TMEM131L: variants seen among roughly 807,000 people sequenced by gnomAD.
TMEM131L encodes the protein transmembrane 131 like.
In TMEM131L, 54 loss-of-function variants were observed where a neutral mutation model predicts 192.2. That is an observed-to-expected ratio of 0.28 (90% confidence interval 0.23 to 0.35). The LOEUF (loss-of-function observed/expected upper bound fraction) is 0.35. Among genes scored for constraint, TMEM131L ranks in the 10% least tolerant of loss-of-function variants. TMEM131L has a pLI of 1.00. For missense variants in TMEM131L, 1,888 were observed against 1,972.9 expected, an observed-to-expected ratio of 0.96 and a Z score of 0.82; for synonymous variants, 701 against 704.9, an observed-to-expected ratio of 0.99 and a Z score of 0.09.
At position 153,586,331 on chromosome 4, in the gene TMEM131L, A is replaced by G. The variant is rs1248033575; in HGVS notation, c.1434A>G (p.Ile478Met). The change falls in exon 14 of 35, where the codon ATA becomes ATG. Residue 478 changes from isoleucine to methionine, a missense_variant. Transcript: ENST00000409959. ...LFTNVFLTTN[I>M]GAIFAIPLQI... The stretch of plus-strand genomic sequence containing the variant: ...CCAATGTATTTTTGACTACAAACAT[A>G]GGTGCCATTTTTGCAATACCTCTAC... 15 of 1,605,060 alleles carry G rather than the reference A, an allele frequency of 9.3e-6. No individual in the cohort carries two copies. Among genetic ancestry groups the G allele is most frequent in the African/African-American group, 1.3e-5 (1 of 74,530 alleles).
intron 3 of TMEM131L, among the ~76,000 whole-genome samples, chr4:153,474,622 C>A (rs1032093455): frequency 2.6e-5 from 4 of 152,184 alleles, no homozygotes; most frequent in African/African-American, 7.2e-5. Flanking sequence ...GTGGTATGAT[C>A]CTGGTTCACT....
At chr4:153,498,185 G>A (rs911123551) in intron 3 of TMEM131L, among the ~76,000 whole-genome samples, 1 of 152,212 alleles carries the variant, frequency 6.6e-6, no homozygotes, top group African/African-American at 2.4e-5. Flanking sequence ...AATGATGCTT[G>A]GTAGGCTCTG....
At position 153,546,876 on chromosome 4, in the gene TMEM131L, G is replaced by A. The variant is rs532604181; in HGVS notation, c.240-3197G>A. On this transcript the variant is annotated intron_variant, in intron 3 of 34. Transcript: ENST00000409959. ...CGGGAGGTGGAGGTTGCAGTGAGCCGAGTTCATGCTATTGCGCTCCAACGT... is the reference window on the plus strand; with the variant it reads ...CGGGAGGTGGAGGTTGCAGTGAGCCAAGTTCATGCTATTGCGCTCCAACGT... Among the ~76,000 whole-genome samples the A allele has an allele frequency of 2.0e-5, 3 of 152,320 alleles. No individual in the cohort carries two copies. In the East Asian group the frequency reaches 5.8e-4, roughly 29 times the overall value.
rs566035674 is a variant in TMEM131L, at chr4:153,555,665, TG to T, written c.309-121del. On this transcript the variant is annotated intron_variant, in intron 4 of 34. Transcript: ENST00000409959. The surrounding 1 kb of genome is among the most constrained non-coding windows in gnomAD (Gnocchi z 4.1). Reference sequence around the variant, plus strand: ...ACGATTGGATAATTTAACTTTGTGATGAACAGCAACAGCTTTCTGGGTTTAA... The same window carrying T: ...ACGATTGGATAATTTAACTTTGTGATAACAGCAACAGCTTTCTGGGTTTAA... The T allele has an allele frequency of 8.3e-5, 64 of 767,622 alleles. No individual in the cohort carries two copies. The African/African-American group carries it at 1.1e-3, about 13-fold the overall frequency. The allele number at this position is 767,622 out of a possible 1,614,324, so 47.6% of individuals were successfully genotyped here.
At chr4:153,593,272 G>A (rs2150859376) in intron 18 of TMEM131L, among the ~76,000 whole-genome samples, 1 of 152,082 alleles carries the variant, frequency 6.6e-6, no homozygotes, top group South Asian at 2.1e-4. Context: ...AGCTTTCGCA[G>A]TATTGGTATT....
intron 26 of TMEM131L, among the ~76,000 whole-genome samples, chr4:153,616,711 A>G (rs1314279855): frequency 2.6e-5 from 4 of 152,220 alleles, no homozygotes; most frequent in African/African-American, 4.8e-5. Context: ...TTCTATGCAG[A>G]TTTTTAAAAA....
At position 153,580,817 on chromosome 4, in the gene TMEM131L, T is replaced by C; in HGVS notation, c.661-9T>C. 6.3e-7 allele frequency: 1 copy of C among 1,592,168 alleles called. No individual in the cohort carries two copies. On this transcript the variant is annotated splice_polypyrimidine_tract_variant and intron_variant, in intron 7 of 34. Coordinates refer to ENST00000409959, the MANE Select transcript of TMEM131L (RefSeq NM_001131007.2). ...TTAAAGTTCTTTTCCTCCTTTTTTC[T>C]TCTTTTAGGCAGAAACCACTAATAC...
At position 153,604,345 on chromosome 4, in the gene TMEM131L, C is replaced by G. The variant is rs202133456; in HGVS notation, c.3333C>G (p.Ser1111=). The G allele has an allele frequency of 1.4e-5, 23 of 1,614,046 alleles. No homozygotes were observed. The African/African-American group carries it at 2.4e-4, about 17-fold the overall frequency. ...KERELCPLKT[S]KKLPENHLPR... ...GGGAGCTCTGTCCACTGAAGACCTC[C>G]AAGAAACTACCTGAAAACCATTTAC... The change falls in exon 25 of 35, where the codon TCC becomes TCG. Residue 1111 remains serine, a synonymous_variant. Transcript: ENST00000409959.
Position 153,551,810 on chromosome 4 carries a change from T to C in TMEM131L, c.308+1669T>C, listed in dbSNP as rs538801301. ...TTACTCTTATGTAAAGAAAGTTTAA[T>C]AGAAGCTGAATGCTTAGTAGTTTAG... is the stretch of plus-strand genomic sequence containing the variant. On this transcript the variant is annotated intron_variant, in intron 4 of 34. Transcript: ENST00000409959. 1.1e-4 allele frequency among the ~76,000 whole-genome samples: 16 copies of C among 152,344 alleles called. No homozygotes were observed. The East Asian group carries it at 3.1e-3, about 29-fold the overall frequency.
intron 1 of TMEM131L, 71 bp from the exon 2 acceptor site, chr4:153,467,140 C>A (rs1309746733): frequency 1.4e-6 from 2 of 1,426,004 alleles, no homozygotes; most frequent in Admixed American, 2.0e-5. Context: ...CACGGAGGGA[C>A]GGTAGGGGAA....
intron 3 of TMEM131L, among the ~76,000 whole-genome samples, chr4:153,494,879 C>G (rs115328298): frequency 0.03 from 4,630 of 152,270 alleles, 100 homozygotes; most frequent in South Asian, 0.069. Context: ...CATTGGGTGA[C>G]CTGCCGGGGC....
chr4:153,619,162 G>A (rs1337953785), intron 26 of TMEM131L, among the ~76,000 whole-genome samples: 1 of 152,134 alleles, frequency 6.6e-6, no homozygotes, highest in Non-Finnish European at 1.5e-5. Context: ...ATCAGTGACT[G>A]CTTACCAGCT....
At chr4:153,624,415 G>A (rs561738381) in intron 29 of TMEM131L, among the ~76,000 whole-genome samples, 4 of 152,310 alleles carry the variant, frequency 2.6e-5, no homozygotes, top group African/African-American at 7.2e-5. Context: ...CACTGCGCCC[G>A]GCCTACTCAG....
chr4:153,623,034 C>T lies in TMEM131L; in HGVS notation c.3996C>T (p.Ser1332=), dbSNP rs147267955. ...SWGSWSSTSS[S]DGDKKPMVDA... is the part of the protein sequence containing the mutation. ...GGAGCTGGAGCAGCACCAGCAGCTC[C>T]GACGGGGATAAGAAGCCCATGGTGG... Residue 1332 remains serine, a synonymous_variant, in exon 29 of 35, where the codon TCC becomes TCT. Coordinates refer to ENST00000409959, the MANE Select transcript of TMEM131L (RefSeq NM_001131007.2). The T allele has an allele frequency of 4.3e-6, 7 of 1,613,728 alleles. No individual in the cohort carries two copies. The highest frequency in any genetic ancestry group is 4.0e-5 in the African/African-American group (3 of 75,008).
At chr4:153,588,697 GTT>G (rs1554037756) in intron 15 of TMEM131L, among the ~76,000 whole-genome samples, 191 bp from the exon 16 acceptor site, 2 of 152,066 alleles carry the variant, frequency 1.3e-5, no homozygotes, top group Non-Finnish European at 1.5e-5. Context: ...TTTATGACAT[GTT>G]TGTTTAATTT....
chr4:153,518,780 C>T (rs537466416), intron 3 of TMEM131L, among the ~76,000 whole-genome samples: 9 of 152,256 alleles, frequency 5.9e-5, no homozygotes, highest in East Asian at 3.9e-4. Context: ...TTTTCTCCTT[C>T]GGTGATATCG....
intron 31 of TMEM131L, among the ~76,000 whole-genome samples, chr4:153,628,907 A>G (rs1734027648): frequency 1.3e-5 from 2 of 152,130 alleles, no homozygotes; most frequent in Admixed American, 6.5e-5. Context: ...GACAGAGTAC[A>G]TCTTGTCTGC....
At chr4:153,571,862 A>G (rs1180403675) in intron 7 of TMEM131L, among the ~76,000 whole-genome samples, 2 of 152,100 alleles carry the variant, frequency 1.3e-5, no homozygotes, top group African/African-American at 2.4e-5. Context: ...TGACTGGCCT[A>G]TTTTTTGAGG....
At chr4:153,593,651 G>A (rs1456936205) in intron 18 of TMEM131L, 148 bp from the exon 19 acceptor site, 16 of 600,486 alleles carry the variant, frequency 2.7e-5, no homozygotes, top group Middle Eastern at 3.3e-4. Context: ...GTGGAATGTC[G>A]GGTGGACAGG....
Sources: gnomAD v4.1 joint callset for allele counts (sites outside exome capture counted in the v4.1 genomes callset) on GRCh38, gnomAD v4.1.1 for gene constraint, Gnocchi (gnomAD v3.1) non-coding constraint, MANE v1.5 for transcripts, NCBI Gene and HGNC (gene_info 2026-07-23, HGNC 2026-07-21) for gene names.